MCFD2: variants seen among roughly 807,000 people sequenced by gnomAD.
MCFD2 encodes the protein multiple coagulation factor deficiency 2, ER cargo receptor complex subunit.
MCFD2 carries 11 observed loss-of-function variants against 12.8 expected under a neutral mutation model. The observed-to-expected ratio is 0.86, with a 90% confidence interval of 0.54 to 1.42. The LOEUF is 1.42. MCFD2 is among the 40% of genes most tolerant of loss of function. The probability of loss-of-function intolerance (pLI) is 0.00; values close to 1 mark genes in which losing one functional copy is unlikely to be tolerated. For synonymous variants in MCFD2, 70 were observed against 68.1 expected (o/e 1.03, Z -0.14); for missense variants, 191 against 178.6 (o/e 1.07, Z -0.40).
chr2:46,923,137 C>T (rs1483852053), intron 1 of MCFD2, among the ~76,000 whole-genome samples: 1 of 152,230 alleles, frequency 6.6e-6, no homozygotes, highest in African/African-American at 2.4e-5. Flanking sequence ...CATTCATCTT[C>T]CTGTCAGCCT....
At position 46,907,428 on chromosome 2, in the gene MCFD2, A is replaced by G; in HGVS notation, c.309+382T>C. On this transcript the variant is annotated intron_variant, in intron 3 of 3. Coordinates refer to ENST00000319466, the MANE Select transcript of MCFD2 (RefSeq NM_139279.6). The surrounding 1 kb of genome is among the most constrained non-coding windows in gnomAD (Gnocchi z 4.1). ...GAGACAAGGCCTCACTCTGTTGCCCAGGCTGAAGTGCGGTGGCATGATTAT... is the reference window on the plus strand; with the variant it reads ...GAGACAAGGCCTCACTCTGTTGCCCGGGCTGAAGTGCGGTGGCATGATTAT... 4.1e-6 allele frequency: 1 copy of G among 243,780 alleles called. No homozygotes were observed. Among genetic ancestry groups the G allele is most frequent in the Non-Finnish European group, 8.2e-6 (1 of 122,442 alleles). The allele number at this position is 243,780 out of a possible 1,614,324, so 15.1% of individuals were successfully genotyped here. A position where few individuals can be genotyped will look rare whatever the true frequency, so the allele number is the denominator to read the frequency against.
chr2:46,914,386 A>G (rs878866905), intron 1 of MCFD2, among the ~76,000 whole-genome samples: 3 of 152,232 alleles, frequency 2.0e-5, no homozygotes, highest in Admixed American at 2.0e-4. Context: ...GCCAATGCCA[A>G]AGAAAAACTG....
At chr2:46,919,529 G>A (rs2084192), upstream of MCFD2, among the ~76,000 whole-genome samples, 8,253 of 152,284 alleles carry the variant, frequency 0.054, 361 homozygotes, top group African/African-American at 0.11. Context: ...GCTAAACTCT[G>A]TCTCTAAATA....
At chr2:46,927,868 T>C (rs1255642891) in intron 1 of MCFD2, among the ~76,000 whole-genome samples, 1 of 150,214 alleles carries the variant, frequency 6.7e-6, no homozygotes, top group Non-Finnish European at 1.5e-5. Flanking sequence ...AACACTAATA[T>C]TGGGGTTTTT....
Position 46,908,767 on chromosome 2 carries a change from G to A in MCFD2, c.149+256C>T, listed in dbSNP as rs1275873630. 3.4e-5 allele frequency: 18 copies of A among 534,512 alleles called. No individual in the cohort carries two copies. The allele number at this position is 534,512 out of a possible 1,614,324, so 33.1% of individuals were successfully genotyped here. A position where few individuals can be genotyped will look rare whatever the true frequency, so the allele number is the denominator to read the frequency against. On this transcript the variant is annotated intron_variant, in intron 2 of 3. Coordinates refer to ENST00000319466, the MANE Select transcript of MCFD2 (RefSeq NM_139279.6). This position sits in a 1 kb window ranked among gnomAD's most constrained non-coding sequence, Gnocchi z 4.5. ...TTTGTATGTGTGTGTGTCTGTCTGT[G>A]GTGAAAAAAAGGAGAGACCGGATTC...
At chr2:46,914,416 C>A (rs971996034) in intron 1 of MCFD2, among the ~76,000 whole-genome samples, 1 of 152,202 alleles carries the variant, frequency 6.6e-6, no homozygotes, top group Non-Finnish European at 1.5e-5. Flanking sequence ...TTGTCACTTA[C>A]CCCTGTCATG....
At chr2:46,912,092 TCGGG>T (rs1668510764) in intron 1 of MCFD2, among the ~76,000 whole-genome samples, 1 of 152,126 alleles carries the variant, frequency 6.6e-6, no homozygotes, top group Admixed American at 6.5e-5. Context: ...TCCCAACACT[TCGGG>T]AGGCCGAGGC....
At chr2:46,912,101 C>T (rs1022813985) in intron 1 of MCFD2, among the ~76,000 whole-genome samples, 1 of 152,112 alleles carries the variant, frequency 6.6e-6, no homozygotes, top group Admixed American at 6.5e-5. Flanking sequence ...TTCGGGAGGC[C>T]GAGGCAAGTG....
upstream of MCFD2, among the ~76,000 whole-genome samples, chr2:46,917,762 G>C (rs1668889910): frequency 6.6e-6 from 1 of 152,086 alleles, no homozygotes; most frequent in African/African-American, 2.4e-5. Context: ...TGGTCTCTTT[G>C]ATCTCTTGTT....
intron 1 of MCFD2, among the ~76,000 whole-genome samples, chr2:46,939,799 C>G (rs1670180832): frequency 6.6e-6 from 1 of 152,194 alleles, no homozygotes; most frequent in South Asian, 2.1e-4. Context: ...TCAAAGGCAG[C>G]CAAAGGGTAA....
At position 46,937,065 on chromosome 2, in the gene MCFD2, AG is replaced by A. The variant is rs1387860024; in HGVS notation, c.-8+4506del. Among the ~76,000 whole-genome samples the A allele has an allele frequency of 6.6e-6, 1 of 152,018 alleles. No individual in the cohort carries two copies. Among genetic ancestry groups the A allele is most frequent in the Non-Finnish European group, 1.5e-5 (1 of 67,998 alleles). On this transcript the variant is annotated intron_variant, in intron 1 of 2. Coordinates refer to the MCFD2 transcript ENST00000409147. This position sits in a 1 kb window ranked among gnomAD's most constrained non-coding sequence, Gnocchi z 4.0. Reference sequence around the variant, plus strand: ...GAGATGGGTTTTTGCCATATTGCCCAGGCTCGTCTCGAACTCCTGAGCTCAA... The same window carrying A: ...GAGATGGGTTTTTGCCATATTGCCCAGCTCGTCTCGAACTCCTGAGCTCAA...
chr2:46,917,398 C>T (rs1365908161), upstream of MCFD2: 1 of 569,532 alleles, frequency 1.8e-6, no homozygotes, highest in Admixed American at 3.5e-5. Context: ...CTCCTTCTAC[C>T]CTGCATCTGC....
At position 46,941,656 on chromosome 2, in the gene MCFD2, C is replaced by T; in HGVS notation, c.-92G>A. 6.4e-7 allele frequency: 1 copy of T among 1,552,242 alleles called. No homozygotes were observed. The highest frequency in any genetic ancestry group is 8.7e-7 in the Non-Finnish European group (1 of 1,148,206). Reference sequence around the variant, plus strand: ...GGAGCTGGTCCGGCAGCTGCAGACGCTGAGCATGCCCGGCGGCGGAGGTAA... The same window carrying T: ...GGAGCTGGTCCGGCAGCTGCAGACGTTGAGCATGCCCGGCGGCGGAGGTAA... On this transcript the variant is annotated 5_prime_UTR_variant, in exon 1 of 3. Coordinates refer to the MCFD2 transcript ENST00000409147. This position sits in a 1 kb window ranked among gnomAD's most constrained non-coding sequence, Gnocchi z 4.2.
Position 46,915,805 on chromosome 2 carries a change from C to CGGGGGGGGGGGGGGGGGGGGG in MCFD2, c.-90_-89insCCCCCCCCCCCCCCCCCCCCC. On this transcript the variant is annotated 5_prime_UTR_variant, in exon 1 of 4. Transcript: ENST00000319466. ...TCCCCAAAACGCTCTTCCTCGGCTT[C>CGGGGGGGGGGGGGGGGGGGGG]GCCCCGCCCCCCCCCCCCCCCCGAC... is the stretch of plus-strand genomic sequence containing the variant. The CGGGGGGGGGGGGGGGGGGGGG allele has an allele frequency of 1.1e-4, 41 of 368,292 alleles. No individual in the cohort carries two copies. Among genetic ancestry groups the CGGGGGGGGGGGGGGGGGGGGG allele is most frequent in the South Asian group, 3.5e-4 (2 of 5,726 alleles). 22.8% of individuals were successfully genotyped at this position (368,292 alleles called of 1,614,324 possible).
At chr2:46,915,806 G>GCGGGGGGGGCCCC, upstream of MCFD2, 1 of 512,582 alleles carries the variant, frequency 2.0e-6, no homozygotes, top group Non-Finnish European at 2.1e-6. Context: ...CCTCGGCTTC[G>GCGGGGGGGGCCCC]CCCCGCCCCC....
chr2:46,924,999 T>A (rs1669312527), intron 1 of MCFD2, among the ~76,000 whole-genome samples: 1 of 152,264 alleles, frequency 6.6e-6, no homozygotes, highest in South Asian at 2.1e-4. Flanking sequence ...GTAGCTTGGA[T>A]ACTGAAGTAA....
chr2:46,920,079 T>C (rs1178158226), upstream of MCFD2, among the ~76,000 whole-genome samples: 3 of 152,228 alleles, frequency 2.0e-5, no homozygotes, highest in Non-Finnish European at 4.4e-5. Flanking sequence ...TTGATGACCT[T>C]GTTTCTTCCG....
Position 46,941,451 on chromosome 2 carries a change from C to T in MCFD2, c.-8+121G>A. ...CGGCTGCCGTCTGCGCCCCCGTCGA[C>T]CCCGCCCGCGAGTGCGCCCCAGCCA... On this transcript the variant is annotated intron_variant, in intron 1 of 2. Transcript: ENST00000409147. The surrounding 1 kb of genome is among the most constrained non-coding windows in gnomAD (Gnocchi z 4.2). 1 of 1,391,696 alleles carries T rather than the reference C, an allele frequency of 7.2e-7. No homozygotes were observed. The highest frequency in any genetic ancestry group is 9.4e-7 in the Non-Finnish European group (1 of 1,058,856). The allele number at this position is 1,391,696 out of a possible 1,614,324, so 86.2% of individuals were successfully genotyped here.
At chr2:46,919,415 C>T (rs1234769329), upstream of MCFD2, among the ~76,000 whole-genome samples, 2 of 152,176 alleles carry the variant, frequency 1.3e-5, no homozygotes, top group Admixed American at 6.5e-5. Flanking sequence ...TGCTTGTAAT[C>T]CCAGATACTC....
Sources: allele counts gnomAD v4.1 joint callset (sites outside exome capture counted in the v4.1 genomes callset), GRCh38; gene constraint gnomAD v4.1.1; non-coding constraint Gnocchi (gnomAD v3.1); transcripts MANE v1.5; gene names NCBI Gene and HGNC (gene_info 2026-07-23, HGNC 2026-07-21).